Variants in WWOX observed in about 807,000 individuals in gnomAD.
WWOX encodes the protein WW domain-containing oxidoreductase.
A neutral mutation model predicts 46.2 loss-of-function variants in WWOX; 69 were observed. The observed-to-expected ratio is 1.49, with a 90% confidence interval of 1.23 to 1.82. The LOEUF is 1.82. Among genes scored for constraint, WWOX ranks in the 40% most tolerant of loss-of-function variants. The pLI is 0.00. For missense variants in WWOX, 919 were observed against 542.6 expected, an observed-to-expected ratio of 1.69 and a Z score of -6.89; for synonymous variants, 359 against 202.6, an observed-to-expected ratio of 1.77 and a Z score of -6.56.
intron 7 of WWOX, among the ~76,000 whole-genome samples, chr16:78,429,917 C>T (rs999900319): frequency 6.6e-6 from 1 of 152,094 alleles, no homozygotes; most frequent in Non-Finnish European, 1.5e-5. Flanking sequence ...TGAATGGACT[C>T]TCATAAAAAA....
intron 8 of WWOX, among the ~76,000 whole-genome samples, chr16:78,810,450 A>G (rs1276508599): frequency 2.0e-5 from 3 of 152,188 alleles, no homozygotes; most frequent in African/African-American, 7.2e-5. Flanking sequence ...TTACATGTCA[A>G]CTCAGAAAAC....
rs1345472141 is a variant in WWOX, at chr16:78,640,195, G to T, written c.1056+207443G>T. 4.2e-5 allele frequency among the ~76,000 whole-genome samples: 6 copies of T among 144,374 alleles called. No homozygotes were observed. The South Asian group carries it at 1.3e-3, about 32-fold the overall frequency. 94.7% of individuals were successfully genotyped at this position (144,374 alleles called of 152,430 possible). ...AACGTCCTCTCCTTGGGTCATGGGT[G>T]TGTGTGTGTGTGTTTTCTTCTTGTT... is the stretch of plus-strand genomic sequence containing the variant. On this transcript the variant is annotated intron_variant, in intron 8 of 8. Coordinates refer to ENST00000566780, the MANE Select transcript of WWOX (RefSeq NM_016373.4).
intron 8 of WWOX, among the ~76,000 whole-genome samples, chr16:78,938,361 G>C (rs527848838): frequency 6.6e-6 from 1 of 152,292 alleles, no homozygotes; most frequent in South Asian, 2.1e-4. Flanking sequence ...GTATACCACT[G>C]ACAGTGTTTC....
At position 78,109,801 on chromosome 16, in the gene WWOX, G is replaced by C. The variant is rs764476113; in HGVS notation, c.196G>C (p.Glu66Gln). 2 of 1,614,140 alleles carry C rather than the reference G, an allele frequency of 1.2e-6. No individual in the cohort carries two copies. The highest frequency in any genetic ancestry group is 1.7e-6 in the Non-Finnish European group (2 of 1,180,024). The change falls in exon 3 of 9, where the codon GAA becomes CAA. Residue 66 changes from glutamate to glutamine, a missense_variant. Physicochemically the swap from Glu to Gln is conservative, Grantham distance 29. Transcript: ENST00000566780. Reference protein sequence around the residue: ...AGDLPYGWEQETDENGQVFFV... With the variant: ...AGDLPYGWEQQTDENGQVFFV... ...AGATTTGCCATACGGATGGGAACAA[G>C]AAACTGATGAGAACGGACAAGTGTT... is the stretch of plus-strand genomic sequence containing the variant.
chr16:78,638,791 A>C lies in WWOX; in HGVS notation c.1056+206039A>C, dbSNP rs191080614. The stretch of plus-strand genomic sequence containing the variant: ...GGAGATGTGGCATTTCTAGGAATTC[A>C]CAGTAAAATCAGAAATAATTAGGAG... On this transcript the variant is annotated intron_variant, in intron 8 of 8. Coordinates refer to ENST00000566780, the MANE Select transcript of WWOX (RefSeq NM_016373.4). Among the ~76,000 whole-genome samples, 3 of 152,144 alleles carry C rather than the reference A, an allele frequency of 2.0e-5. No homozygotes were observed. In the East Asian group the frequency reaches 5.8e-4, roughly 29 times the overall value.
At chr16:78,895,510 C>G (rs1425870213) in intron 8 of WWOX, 1 of 152,312 alleles carries the variant, frequency 6.6e-6, no homozygotes, top group African/African-American at 2.4e-5. Context: ...TTCCACCAGT[C>G]TATCAACCCT....
At chr16:79,034,920 A>C (rs1418103404) in intron 8 of WWOX, among the ~76,000 whole-genome samples, 1 of 152,194 alleles carries the variant, frequency 6.6e-6, no homozygotes, top group South Asian at 2.1e-4. Context: ...TACATTTTGC[A>C]AATGATCTTC....
intron 8 of WWOX, among the ~76,000 whole-genome samples, chr16:78,545,012 C>G (rs937601386): frequency 6.6e-6 from 1 of 151,936 alleles, no homozygotes; most frequent in Non-Finnish European, 1.5e-5. Flanking sequence ...ACCAGCTTTA[C>G]AAAAGAGAGA....
chr16:78,561,400 A>AGAAACTCTCTCATGCATGTAGTTCCCT (rs1420484845), intron 8 of WWOX, among the ~76,000 whole-genome samples: 4 of 152,252 alleles, frequency 2.6e-5, no homozygotes, highest in East Asian at 1.9e-4. Context: ...TCAAGGGCTC[A>AGAAACTCTCTCATGCATGTAGTTCCCT]CGTGATGAGG....
chr16:78,214,278 C>T (rs1239964759), intron 5 of WWOX, among the ~76,000 whole-genome samples: 4 of 152,226 alleles, frequency 2.6e-5, no homozygotes, highest in Non-Finnish European at 5.9e-5. Flanking sequence ...TAATTCCTAC[C>T]TGTGCGATCA....
At chr16:78,828,517 T>C (rs571855155) in intron 8 of WWOX, among the ~76,000 whole-genome samples, 3 of 151,978 alleles carry the variant, frequency 2.0e-5, no homozygotes, top group African/African-American at 7.2e-5. Flanking sequence ...TTTTAAATTA[T>C]CATTAGTATA....
At chr16:78,960,882 G>T (rs1209829318) in intron 8 of WWOX, among the ~76,000 whole-genome samples, 1 of 152,150 alleles carries the variant, frequency 6.6e-6, no homozygotes, top group Non-Finnish European at 1.5e-5. Flanking sequence ...CTCTTTTGAA[G>T]ACTTGATGTC....
chr16:79,021,083 A>G (rs2047523407), intron 8 of WWOX, among the ~76,000 whole-genome samples: 1 of 152,222 alleles, frequency 6.6e-6, no homozygotes, highest in African/African-American at 2.4e-5. Flanking sequence ...CTCATTCAAA[A>G]TGGAATCTTT....
chr16:78,652,436 A>G (rs57552904), intron 8 of WWOX, among the ~76,000 whole-genome samples: 1 of 151,386 alleles, frequency 6.6e-6, no homozygotes, highest in South Asian at 2.1e-4. Flanking sequence ...AAAAAAGAAA[A>G]AGAAAAAGGT....
intron 8 of WWOX, among the ~76,000 whole-genome samples, chr16:78,780,644 A>C (rs1245805414): frequency 2.6e-5 from 4 of 152,152 alleles, no homozygotes; most frequent in African/African-American, 9.7e-5. Flanking sequence ...TGATGTTTGA[A>C]CTTAAGAATC....
At chr16:78,100,730 G>A (rs139906120) in intron 1 of WWOX, among the ~76,000 whole-genome samples, 1 of 152,200 alleles carries the variant, frequency 6.6e-6, no homozygotes, top group Non-Finnish European at 1.5e-5. Flanking sequence ...GGCACTGTGC[G>A]TAAAGCACAT....
At chr16:78,455,683 C>G (rs929836756) in intron 8 of WWOX, among the ~76,000 whole-genome samples, 2 of 121,230 alleles carry the variant, frequency 1.6e-5, no homozygotes, top group African/African-American at 6.1e-5. Flanking sequence ...AAAATTGATG[C>G]AAAAAATATG....
chr16:79,061,818 T>C (rs1051171933), intron 8 of WWOX, among the ~76,000 whole-genome samples: 4 of 151,740 alleles, frequency 2.6e-5, no homozygotes, highest in African/African-American at 9.7e-5. Context: ...CTGTACTGGG[T>C]TCTTTGAGTA....
intron 8 of WWOX, among the ~76,000 whole-genome samples, chr16:78,902,934 G>T (rs1027854858): frequency 6.6e-6 from 1 of 152,168 alleles, no homozygotes; most frequent in African/African-American, 2.4e-5. Context: ...CAAGGGAGTC[G>T]CGGCTGAGTC....
Sources: gnomAD v4.1 joint callset for allele counts (sites outside exome capture counted in the v4.1 genomes callset) on GRCh38, gnomAD v4.1.1 for gene constraint, MANE v1.5 for transcripts, NCBI Gene and HGNC (gene_info 2026-07-23, HGNC 2026-07-21) for gene names.